Variants in SGCD observed in about 807,000 individuals in gnomAD.
SGCD encodes delta-sarcoglycan.
A neutral mutation model predicts 36.6 loss-of-function variants in SGCD; 18 were observed. The observed-to-expected ratio is 0.49, with a 90% CI of 0.34 to 0.73. The LOEUF (loss-of-function observed/expected upper bound fraction) is 0.73, where lower values mean the gene tolerates loss of function less well. SGCD is among the 30% of genes least tolerant of loss of function. The pLI, the probability that SGCD is intolerant of heterozygous loss-of-function variation, is 0.01. For missense variants in SGCD, 387 were observed against 346.7 expected (o/e 1.12, Z -0.92); for synonymous variants, 133 against 130.6 (o/e 1.02, Z -0.12).
At chr5:156,522,910 T>G (rs1757475023) in intron 4 of SGCD, among the ~76,000 whole-genome samples, 1 of 152,200 alleles carries the variant, frequency 6.6e-6, no homozygotes, top group African/African-American at 2.4e-5. Flanking sequence ...GTACACTTTT[T>G]GAAACCCTAA....
At chr5:156,088,220 G>A (rs1297033900) in intron 1 of SGCD, among the ~76,000 whole-genome samples, 1 of 152,036 alleles carries the variant, frequency 6.6e-6, no homozygotes, top group Admixed American at 6.6e-5. Context: ...TATAGTGAGA[G>A]TTCTGGGGCC....
the SGCD span, among the ~76,000 whole-genome samples, chr5:155,744,102 A>C: frequency 6.6e-6 from 1 of 152,178 alleles, no homozygotes; most frequent in Non-Finnish European, 1.5e-5. Context: ...AAGAAAACAG[A>C]CTTCAACTTC....
At chr5:156,073,467 A>G (rs1228929544) in intron 1 of SGCD, among the ~76,000 whole-genome samples, 2 of 152,110 alleles carry the variant, frequency 1.3e-5, no homozygotes, top group African/African-American at 2.4e-5. Context: ...GAAGACTGAG[A>G]TAGGAAGATT....
At chr5:156,745,177 G>A (rs1756888177) in intron 7 of SGCD, among the ~76,000 whole-genome samples, 1 of 152,178 alleles carries the variant, frequency 6.6e-6, no homozygotes, top group African/African-American at 2.4e-5. Flanking sequence ...CAAAGCCTCA[G>A]TGTAAGGGTG....
At chr5:156,687,813 C>A (rs1234860011) in intron 7 of SGCD, among the ~76,000 whole-genome samples, 1 of 152,214 alleles carries the variant, frequency 6.6e-6, no homozygotes, top group Non-Finnish European at 1.5e-5. Flanking sequence ...CCAAGCTGAT[C>A]ACCATGTTGC....
chr5:155,923,002 A>G (rs1756919921), intron 1 of SGCD, among the ~76,000 whole-genome samples: 1 of 152,204 alleles, frequency 6.6e-6, no homozygotes, highest in South Asian at 2.1e-4. Flanking sequence ...AGCATGAAAC[A>G]TAGTCATTAT....
the SGCD span, among the ~76,000 whole-genome samples, chr5:155,836,756 C>G: frequency 6.6e-6 from 1 of 152,052 alleles, no homozygotes; most frequent in Non-Finnish European, 1.5e-5. Context: ...AGGTATTTTT[C>G]TCCTCCTTCT....
chr5:156,266,536 G>A (rs1295213556), intron 3 of SGCD, among the ~76,000 whole-genome samples: 1 of 152,196 alleles, frequency 6.6e-6, no homozygotes, highest in Admixed American at 6.5e-5. Context: ...CATGCTGGGT[G>A]AAGTAGCCTG....
At chr5:156,650,049 A>G (rs1253623777) in intron 7 of SGCD, among the ~76,000 whole-genome samples, 1 of 152,072 alleles carries the variant, frequency 6.6e-6, no homozygotes, top group African/African-American at 2.4e-5. Flanking sequence ...ATGAAACAAA[A>G]AGACAACTCT....
At position 156,719,545 on chromosome 5, in the gene SGCD, C is replaced by T. The variant is rs550736413; in HGVS notation, c.576-38036C>T. On this transcript the variant is annotated intron_variant, in intron 7 of 8. Transcript: ENST00000337851. ...AGATTCAGTTTAATATGCCTAACTG[C>T]TGTATCTAGCACATTAATAATTATT... Among the ~76,000 whole-genome samples, 5 of 152,240 alleles carry T rather than the reference C, an allele frequency of 3.3e-5. No homozygotes were observed. The East Asian group carries it at 9.7e-4, about 29-fold the overall frequency.
At chr5:156,697,248 A>G (rs1333809030) in intron 7 of SGCD, among the ~76,000 whole-genome samples, 1 of 152,178 alleles carries the variant, frequency 6.6e-6, no homozygotes, top group African/African-American at 2.4e-5. Context: ...TGCTATATAA[A>G]TTATATCTCA....
At chr5:155,906,487 GA>G (rs1271259939) in intron 1 of SGCD, among the ~76,000 whole-genome samples, 1 of 152,168 alleles carries the variant, frequency 6.6e-6, no homozygotes, top group Non-Finnish European at 1.5e-5. Flanking sequence ...AAATGCAAAA[GA>G]AAAGTTCTTG....
the SGCD span, among the ~76,000 whole-genome samples, chr5:155,835,208 A>G: frequency 9.2e-5 from 14 of 151,646 alleles, no homozygotes; most frequent in South Asian, 2.9e-3. Context: ...GGGTTTTGCC[A>G]TGTTGGCCAG....
rs58920671 is a variant in SGCD, at chr5:156,406,819, TACAC to T, written c.192+62162_192+62165del. 8.5e-3 allele frequency among the ~76,000 whole-genome samples: 885 copies of T among 104,026 alleles called. 16 individuals are homozygous for T. The highest frequency in any genetic ancestry group is 0.02 in the African/African-American group (517 of 26,130). The allele number at this position is 104,026 out of a possible 152,430, so 68.2% of individuals were successfully genotyped here. A position where few individuals can be genotyped will look rare whatever the true frequency, so the allele number is the denominator to read the frequency against. The stretch of plus-strand genomic sequence containing the variant: ...ATATATATATATATATATATATATA[TACAC>T]ACACACACACACACACACATATATA... On this transcript the variant is annotated intron_variant, in intron 3 of 8. Coordinates refer to ENST00000337851, the MANE Select transcript of SGCD (RefSeq NM_000337.6).
intron 4 of SGCD, among the ~76,000 whole-genome samples, chr5:156,521,758 T>G (rs1281456810): frequency 1.3e-5 from 2 of 152,172 alleles, no homozygotes; most frequent in Non-Finnish European, 1.5e-5. Flanking sequence ...GAATATAAAT[T>G]AGTTTAACCA....
intron 7 of SGCD, among the ~76,000 whole-genome samples, chr5:156,648,094 CAGAT>C (rs1763299501): frequency 2.0e-5 from 3 of 152,092 alleles, no homozygotes; most frequent in East Asian, 3.9e-4. Context: ...AAAGAACAGA[CAGAT>C]GGATAAACAG....
At chr5:155,895,148 A>G (rs1756219833) in intron 1 of SGCD, among the ~76,000 whole-genome samples, 1 of 152,228 alleles carries the variant, frequency 6.6e-6, no homozygotes, top group South Asian at 2.1e-4. Context: ...TTCATAGGAA[A>G]ATAGTCAGTC....
At chr5:155,734,128 GATATTAATT>G in the SGCD span, among the ~76,000 whole-genome samples, 1 of 145,286 alleles carries the variant, frequency 6.9e-6, no homozygotes, top group Admixed American at 6.9e-5. Flanking sequence ...TATTGTTACT[GATATTAATT>G]ATATTAATTA....
At chr5:155,800,050 C>T in the SGCD span, among the ~76,000 whole-genome samples, 1 of 151,992 alleles carries the variant, frequency 6.6e-6, no homozygotes, top group African/African-American at 2.4e-5. Context: ...AACTCCTGAC[C>T]TCACGTGATA....
Sources: allele counts gnomAD v4.1 joint callset (sites outside exome capture counted in the v4.1 genomes callset), GRCh38; gene constraint gnomAD v4.1.1; transcripts MANE v1.5; gene names NCBI Gene and HGNC (gene_info 2026-07-23, HGNC 2026-07-21).